Variants in SHANK2 observed in about 807,000 individuals in gnomAD.
SHANK2 encodes SH3 and multiple ankyrin repeat domains protein 2.
SHANK2 carries 43 observed loss-of-function variants against 133.7 expected under a neutral mutation model. The ratio of observed to expected loss-of-function variants is 0.32; its 90% CI spans 0.25 to 0.41. The LOEUF is 0.41. Ranked by LOEUF, SHANK2 falls within the 10% of genes least tolerant of loss-of-function variation. The pLI, the probability that SHANK2 is intolerant of heterozygous loss-of-function variation, is 1.00. For synonymous variants in SHANK2, 1,017 were observed against 952.8 expected (o/e 1.07, Z -1.24); for missense variants, 1,994 against 2,235.8 (o/e 0.89, Z 2.18).
intron 1 of SHANK2, among the ~76,000 whole-genome samples, chr11:71,231,820 C>T (rs1555122977): frequency 6.6e-6 from 1 of 151,452 alleles, no homozygotes; most frequent in Non-Finnish European, 1.5e-5. Context: ...GCCGGGGAGA[C>T]AGAGCTTGCA....
chr11:70,675,445 C>A (rs1944888970), intron 15 of SHANK2, among the ~76,000 whole-genome samples: 1 of 152,146 alleles, frequency 6.6e-6, no homozygotes, highest in African/African-American at 2.4e-5. Context: ...GAACACAGGG[C>A]TGGAGGCAAA....
intron 12 of SHANK2, among the ~76,000 whole-genome samples, chr11:70,813,716 A>T (rs1555053676): frequency 6.6e-6 from 1 of 152,022 alleles, no homozygotes; most frequent in African/African-American, 2.4e-5. Context: ...ACTAAATGCT[A>T]TTGGCTGACA....
chr11:71,162,375 C>A (rs1485758675), intron 2 of SHANK2, among the ~76,000 whole-genome samples: 1 of 151,992 alleles, frequency 6.6e-6, no homozygotes, highest in Non-Finnish European at 1.5e-5. Flanking sequence ...ATCATGGGGA[C>A]CCCATGCTGA....
chr11:70,528,552 G>A (rs1053201261), intron 17 of SHANK2, among the ~76,000 whole-genome samples: 30 of 152,262 alleles, frequency 2.0e-4, no homozygotes, highest in African/African-American at 6.7e-4. Context: ...CGGTCAGCCA[G>A]CGTGGGGGCA....
upstream of SHANK2, among the ~76,000 whole-genome samples, chr11:71,253,116 C>A (rs1049559259): frequency 3.3e-5 from 5 of 152,182 alleles, no homozygotes; most frequent in Non-Finnish European, 7.4e-5. Context: ...GGTATCTCCG[C>A]CAGCTGCCCT....
chr11:71,150,385 AGAGGGAGGGACAGGGAGGGACAGG>A (rs1952774350), intron 2 of SHANK2, among the ~76,000 whole-genome samples: 2 of 75,966 alleles, frequency 2.6e-5, no homozygotes, highest in African/African-American at 5.3e-5. Flanking sequence ...GGAGGGAGGG[AGAGGGAGGGACAGGGAGGGACAGG>A]GAGGGAGGAA....
intron 9 of SHANK2, among the ~76,000 whole-genome samples, chr11:71,067,887 C>T (rs1187260837): frequency 1.3e-5 from 2 of 151,940 alleles, no homozygotes; most frequent in Admixed American, 6.6e-5. Flanking sequence ...ACCATCATCA[C>T]CACCACCACT....
At chr11:70,640,323 G>GAA (rs1308937868) in intron 17 of SHANK2, among the ~76,000 whole-genome samples, 5 of 152,188 alleles carry the variant, frequency 3.3e-5, no homozygotes, top group African/African-American at 1.2e-4. Context: ...GCAGAGAGGA[G>GAA]AAGGCCACGT....
chr11:70,936,628 T>C (rs564262682), intron 10 of SHANK2, among the ~76,000 whole-genome samples: 2 of 152,378 alleles, frequency 1.3e-5, no homozygotes, highest in South Asian at 4.1e-4. Flanking sequence ...CTCTATCTTG[T>C]TGACAATCAT....
intron 2 of SHANK2, among the ~76,000 whole-genome samples, chr11:71,153,150 C>T (rs1487186037): frequency 1.3e-5 from 2 of 152,186 alleles, no homozygotes. Flanking sequence ...CGGGAGGCTC[C>T]GCAGAGAGAA....
In SHANK2 at chr11:70,814,760, A is replaced by G. The variant is rs1452929105; in HGVS notation, c.1493+5604T>C. ...GCATTCATCTCCACCAACTGAACTC[A>G]AAAGCATGAGTCCTTCTTTCCTGCT... On this transcript the variant is annotated intron_variant, in intron 12 of 25. Transcript: ENST00000601538. Among the ~76,000 whole-genome samples, 5 of 152,324 alleles carry G rather than the reference A, an allele frequency of 3.3e-5. 1 individual carries two copies. The South Asian group carries it at 1.0e-3, about 32-fold the overall frequency.
intron 17 of SHANK2, among the ~76,000 whole-genome samples, chr11:70,605,727 G>A (rs1055826862): frequency 6.6e-6 from 1 of 152,174 alleles, no homozygotes; most frequent in South Asian, 2.1e-4. Context: ...CACAAATTGA[G>A]TTACAGATGC....
intron 11 of SHANK2, among the ~76,000 whole-genome samples, chr11:70,822,588 G>A (rs1948548095): frequency 6.6e-6 from 1 of 150,490 alleles, no homozygotes; most frequent in African/African-American, 2.5e-5. Context: ...AGAGTTCACG[G>A]GGGACAGAGG....
At chr11:70,881,868 C>A (rs564938057) in intron 11 of SHANK2, among the ~76,000 whole-genome samples, 1 of 151,874 alleles carries the variant, frequency 6.6e-6, no homozygotes, top group South Asian at 2.1e-4. Flanking sequence ...CCTCCTGCAC[C>A]CAGCAAATTA....
intron 14 of SHANK2, among the ~76,000 whole-genome samples, chr11:70,710,453 G>A (rs1221948464): frequency 6.6e-6 from 1 of 152,182 alleles, no homozygotes; most frequent in Non-Finnish European, 1.5e-5. Flanking sequence ...GGACTGTGCC[G>A]GAGCATATGA....
intron 14 of SHANK2, among the ~76,000 whole-genome samples, chr11:70,788,908 C>T (rs1555047302): frequency 6.6e-6 from 1 of 152,212 alleles, no homozygotes; most frequent in Non-Finnish European, 1.5e-5. Flanking sequence ...AGCCTCACCA[C>T]CACCCTGTCG....
intron 10 of SHANK2, among the ~76,000 whole-genome samples, chr11:70,937,389 T>C (rs1950586452): frequency 1.3e-5 from 2 of 152,148 alleles, no homozygotes; most frequent in South Asian, 4.1e-4. Flanking sequence ...TGATGGAGGC[T>C]CCCCAGGACC....
chr11:70,596,842 A>C (rs2136297294), intron 17 of SHANK2, among the ~76,000 whole-genome samples: 1 of 152,216 alleles, frequency 6.6e-6, no homozygotes, highest in South Asian at 2.1e-4. Flanking sequence ...GGAGGAGGAG[A>C]GAACAGAGGA....
intron 17 of SHANK2, among the ~76,000 whole-genome samples, chr11:70,573,944 C>T (rs984404187): frequency 7.9e-5 from 12 of 152,332 alleles, no homozygotes; most frequent in Admixed American, 1.3e-4. Context: ...GCCCCAGGGG[C>T]GGATGGCGCT....
Sources: allele counts gnomAD v4.1 joint callset (sites outside exome capture counted in the v4.1 genomes callset), GRCh38; gene constraint gnomAD v4.1.1; transcripts MANE v1.5; gene names NCBI Gene and HGNC (gene_info 2026-07-23, HGNC 2026-07-21).